The following IL2RB variants were observed in gnomAD, a reference collection of about 807,000 sequenced individuals.
The protein encoded by IL2RB is interleukin 2 receptor subunit beta.
In IL2RB, 17 loss-of-function variants were observed where a neutral mutation model predicts 44.2. That is an observed-to-expected ratio of 0.38 (90% confidence interval 0.26 to 0.58). The LOEUF is 0.58. Ranked by LOEUF, IL2RB falls within the 20% of genes least tolerant of loss-of-function variation. The pLI is 0.63. For missense variants in IL2RB, 624 were observed against 685.5 expected, an observed-to-expected ratio of 0.91 and a Z score of 1.00; for synonymous variants, 286 against 297.9, an observed-to-expected ratio of 0.96 and a Z score of 0.41.
At chr22:37,143,209 G>A (rs1922051816) in intron 3 of IL2RB, among the ~76,000 whole-genome samples, 1 of 152,012 alleles carries the variant, frequency 6.6e-6, no homozygotes, top group Non-Finnish European at 1.5e-5. Context: ...CTTGCCTCTA[G>A]AGTGGAGTCC....
chr22:37,168,361 C>G (rs1923149743), intron 1 of IL2RB, among the ~76,000 whole-genome samples: 1 of 152,102 alleles, frequency 6.6e-6, no homozygotes. Flanking sequence ...AAACACAAAC[C>G]CAAAAATAGA....
chr22:37,174,472 C>A (rs1923388897), intron 1 of IL2RB, among the ~76,000 whole-genome samples: 1 of 152,150 alleles, frequency 6.6e-6, no homozygotes. Flanking sequence ...ACCAAAAGCA[C>A]CACGCTCAGA....
chr22:37,131,254 C>T (rs1921409264), intron 9 of IL2RB, among the ~76,000 whole-genome samples: 1 of 152,162 alleles, frequency 6.6e-6, no homozygotes, highest in South Asian at 2.1e-4. Context: ...CCAGAAGGGG[C>T]CCTTGATCAG....
intron 5 of IL2RB, 68 bp from the exon 6 acceptor site, chr22:37,137,803 C>T (rs918401552): frequency 2.8e-6 from 4 of 1,410,468 alleles, no homozygotes; most frequent in Non-Finnish European, 4.0e-6. Context: ...GTACCTGCCA[C>T]TCCTCCCTCC....
chr22:37,161,325 T>G (rs1922862812), intron 1 of IL2RB, among the ~76,000 whole-genome samples: 1 of 152,206 alleles, frequency 6.6e-6, no homozygotes, highest in African/African-American at 2.4e-5. Flanking sequence ...GCCCTGTTTC[T>G]TCTCAGGTGC....
intron 1 of IL2RB, among the ~76,000 whole-genome samples, chr22:37,160,375 T>G (rs1002368963): frequency 2.6e-5 from 4 of 152,184 alleles, no homozygotes; most frequent in Non-Finnish European, 2.9e-5. Context: ...CCACGCAGCA[T>G]GATCACTAAG....
At chr22:37,137,796 C>T in intron 5 of IL2RB, 61 bp from the exon 6 acceptor site, 1 of 1,454,538 alleles carries the variant, frequency 6.9e-7, no homozygotes, top group Non-Finnish European at 9.6e-7. Context: ...CCACTTTGTA[C>T]CTGCCACTCC....
chr22:37,153,947 T>C (rs183704991), upstream of IL2RB, among the ~76,000 whole-genome samples: 625 of 152,352 alleles, frequency 4.1e-3, 8 homozygotes, highest in African/African-American at 0.014. Context: ...TGGCACATAC[T>C]GCCCAAGACT....
In IL2RB at chr22:37,144,185, G is replaced by T. The variant is rs1922118457; in HGVS notation, c.-13C>A. On this transcript the variant is annotated 5_prime_UTR_variant, in exon 2 of 10. Transcript: ENST00000216223. The stretch of plus-strand genomic sequence containing the variant: ...CAGGGGCCGCCATTACATCCACAGG[G>T]TGGAGCCGAGGAAGGAAGCCCTGGT... 2 of 1,549,788 alleles carry T rather than the reference G, an allele frequency of 1.3e-6. No homozygotes were observed. Among genetic ancestry groups the T allele is most frequent in the Non-Finnish European group, 1.7e-6 (2 of 1,146,056 alleles).
In IL2RB at chr22:37,146,630, C is replaced by T. The variant is rs3218348; in HGVS notation, c.-33-2425G>A. Among the ~76,000 whole-genome samples, 723 of 152,302 alleles carry T rather than the reference C, an allele frequency of 4.7e-3. 5 individuals are homozygous for T. The highest frequency in any genetic ancestry group is 8.1e-3 in the Non-Finnish European group (554 of 68,026). ...CTTCCCTGATTTCCGTGATGGAGGG[C>T]GAGGGCTTCCTCTTCTGAGCGCCTT... On this transcript the variant is annotated intron_variant, in intron 1 of 9. Coordinates refer to ENST00000216223, the MANE Select transcript of IL2RB (RefSeq NM_000878.5).
At chr22:37,163,584 TG>T (rs1379494348) in intron 1 of IL2RB, among the ~76,000 whole-genome samples, 1 of 152,184 alleles carries the variant, frequency 6.6e-6, no homozygotes, top group Non-Finnish European at 1.5e-5. Context: ...GAATCCAAAC[TG>T]GGCACCTTGC....
chr22:37,128,289 G>C lies in IL2RB; in HGVS notation c.1463C>G (p.Pro488Arg). Reference sequence around the variant, plus strand: ...AGCCTCTCGCAGCACCAGCTCAGGGGGTGGCTGAAAATCCACCAGGTCTGG... The same window carrying C: ...AGCCTCTCGCAGCACCAGCTCAGGGCGTGGCTGAAAATCCACCAGGTCTGG... ...GVPDLVDFQP[P>R]PELVLREAGE... Residue 488 changes from proline to arginine, a missense_variant, in exon 10 of 10, where the codon CCC (proline) becomes CGC (arginine). Physicochemically the swap from Pro to Arg is moderately radical, Grantham distance 103 (BLOSUM62 -2). Around this residue, in one of 3 missense-constraint regions of IL2RB, gnomAD observed 291 missense variants for 275.5 expected, o/e 1.06. Transcript: ENST00000216223. The surrounding 1 kb of genome is among the most constrained non-coding windows in gnomAD (Gnocchi z 4.5). 2.7e-6 allele frequency: 4 copies of C among 1,501,544 alleles called. No homozygotes were observed. The highest frequency in any genetic ancestry group is 3.6e-6 in the Non-Finnish European group (4 of 1,126,106). 93.0% of individuals were successfully genotyped at this position (1,501,544 alleles called of 1,614,324 possible).
chr22:37,149,197 C>G (rs1472662856), intron 1 of IL2RB, among the ~76,000 whole-genome samples: 1 of 152,164 alleles, frequency 6.6e-6, no homozygotes, highest in African/African-American at 2.4e-5. Flanking sequence ...GGTCCCATCC[C>G]CAATGTCCGG....
intron 1 of IL2RB, among the ~76,000 whole-genome samples, chr22:37,149,137 C>T (rs1038219428): frequency 1.3e-4 from 20 of 152,232 alleles, no homozygotes; most frequent in Middle Eastern, 3.4e-3. Context: ...TGGGAGGCTT[C>T]GGCCCCCAGG....
chr22:37,131,608 C>G (rs979562097), intron 9 of IL2RB, among the ~76,000 whole-genome samples: 2 of 152,170 alleles, frequency 1.3e-5, no homozygotes, highest in African/African-American at 2.4e-5. Flanking sequence ...AGTTATGGAG[C>G]CTGCTCAGGA....
At chr22:37,160,171 A>C (rs1361814113) in intron 1 of IL2RB, among the ~76,000 whole-genome samples, 2 of 152,234 alleles carry the variant, frequency 1.3e-5, no homozygotes, top group African/African-American at 4.8e-5. Context: ...AACACAACAC[A>C]ACCCAGTGTC....
upstream of IL2RB, among the ~76,000 whole-genome samples, chr22:37,152,696 C>A (rs1922535562): frequency 6.6e-6 from 1 of 152,064 alleles, no homozygotes; most frequent in Non-Finnish European, 1.5e-5. Context: ...TAACCCTTCT[C>A]CCCCTTTTTT....
In IL2RB at chr22:37,128,647, G is replaced by T. The variant is rs926329698; in HGVS notation, c.1105C>A (p.Leu369Ile). Residue 369 changes from leucine to isoleucine, a missense_variant, in exon 10 of 10, where the codon CTC becomes ATC. Physicochemically the swap from Leu to Ile is conservative, Grantham distance 5. Coordinates refer to ENST00000216223, the MANE Select transcript of IL2RB (RefSeq NM_000878.5). The surrounding 1 kb of genome is among the most constrained non-coding windows in gnomAD (Gnocchi z 4.5). ...FTNQGYFFFH[L>I]PDALEIEACQ... ...GCCTCTATCTCCAAGGCATCCGGGA[G>T]GTGGAAGAAGAAGTAACCCTGGTTG... 35 of 1,614,042 alleles carry T rather than the reference G, an allele frequency of 2.2e-5. No individual in the cohort carries two copies. Among genetic ancestry groups the T allele is most frequent in the Non-Finnish European group, 2.8e-5 (33 of 1,180,004 alleles).
rs1393665194 is a variant in IL2RB, at chr22:37,137,579, A to G, written c.537+8T>C. Reference sequence around the variant, plus strand: ...CCAAGGCAGGTACGGACTGGGCCACATTCTCACCTCCCAGGTGTGGCCTGG... The same window carrying G: ...CCAAGGCAGGTACGGACTGGGCCACGTTCTCACCTCCCAGGTGTGGCCTGG... On this transcript the variant is annotated splice_region_variant and intron_variant, in intron 6 of 9. Coordinates refer to ENST00000216223, the MANE Select transcript of IL2RB (RefSeq NM_000878.5). The G allele has an allele frequency of 1.2e-6, 2 of 1,613,996 alleles. No individual in the cohort carries two copies. The highest frequency in any genetic ancestry group is 2.2e-5 in the East Asian group (1 of 44,886).
Sources: allele counts gnomAD v4.1 joint callset (sites outside exome capture counted in the v4.1 genomes callset), GRCh38; gene constraint gnomAD v4.1.1; regional missense constraint gnomAD v4.1.1; non-coding constraint Gnocchi (gnomAD v3.1); transcripts MANE v1.5; gene names NCBI Gene and HGNC (gene_info 2026-07-23, HGNC 2026-07-21).